CCSER1: variants seen among roughly 807,000 people sequenced by gnomAD.
The protein encoded by CCSER1 is coiled-coil serine rich protein 1.
In CCSER1, 41 loss-of-function variants were observed where a neutral mutation model predicts 82.0. The observed-to-expected ratio is 0.50, with a 90% CI of 0.39 to 0.65. The LOEUF (loss-of-function observed/expected upper bound fraction) is 0.65. Among genes scored for constraint, CCSER1 ranks in the 30% least tolerant of loss-of-function variants. The probability of loss-of-function intolerance (pLI) is 0.00; values close to 1 mark genes in which losing one functional copy is unlikely to be tolerated. For missense variants in CCSER1, 1,119 were observed against 1,064.2 expected, an observed-to-expected ratio of 1.05 and a Z score of -0.72; for synonymous variants, 414 against 383.9, an observed-to-expected ratio of 1.08 and a Z score of -0.92.
At chr4:90,878,516 G>A (rs1430339551) in intron 8 of CCSER1, among the ~76,000 whole-genome samples, 3 of 152,100 alleles carry the variant, frequency 2.0e-5, no homozygotes, top group South Asian at 2.1e-4. Flanking sequence ...AATGCTAAAT[G>A]AATAATATAT....
At chr4:90,801,727 A>G (rs1424579936) in intron 7 of CCSER1, among the ~76,000 whole-genome samples, 5 of 152,202 alleles carry the variant, frequency 3.3e-5, no homozygotes, top group African/African-American at 1.2e-4. Context: ...TTGATCATGG[A>G]TATATTTTAA....
intron 10 of CCSER1, among the ~76,000 whole-genome samples, chr4:91,332,023 A>C (rs539689213): frequency 6.6e-6 from 1 of 152,270 alleles, no homozygotes; most frequent in East Asian, 1.9e-4. Flanking sequence ...GAATGATAAT[A>C]AGACATTAGA....
intron 8 of CCSER1, among the ~76,000 whole-genome samples, chr4:90,920,883 A>G (rs929085224): frequency 6.6e-6 from 1 of 151,886 alleles, no homozygotes; most frequent in African/African-American, 2.4e-5. Flanking sequence ...AAATTTCTGT[A>G]TACTGAAATA....
intron 1 of CCSER1, among the ~76,000 whole-genome samples, chr4:90,188,266 G>A (rs374564925): frequency 1.3e-5 from 2 of 151,760 alleles, no homozygotes; most frequent in East Asian, 3.9e-4. Flanking sequence ...GTTCAACATT[G>A]AGATAGTGGA....
At chr4:90,879,865 A>G (rs921104516) in intron 8 of CCSER1, among the ~76,000 whole-genome samples, 34 of 152,212 alleles carry the variant, frequency 2.2e-4, no homozygotes, top group African/African-American at 8.2e-4. Context: ...CAATAGATAC[A>G]GTATAGATGC....
At chr4:90,908,118 C>T (rs1725775549) in intron 8 of CCSER1, among the ~76,000 whole-genome samples, 1 of 152,082 alleles carries the variant, frequency 6.6e-6, no homozygotes. Context: ...GTGCAGAAGG[C>T]AGACCAAACA....
chr4:90,403,510 A>AG (rs1217409890), intron 4 of CCSER1, among the ~76,000 whole-genome samples: 1 of 150,442 alleles, frequency 6.6e-6, no homozygotes, highest in Admixed American at 6.6e-5. Flanking sequence ...AAAAAAAAAA[A>AG]AAAAAAAAAA....
chr4:91,020,784 A>G (rs1291860118), intron 9 of CCSER1, among the ~76,000 whole-genome samples: 1 of 152,200 alleles, frequency 6.6e-6, no homozygotes, highest in Non-Finnish European at 1.5e-5. Flanking sequence ...TTATTTCCCA[A>G]CTTGGCATTA....
chr4:90,609,109 T>G (rs532052168), intron 5 of CCSER1, among the ~76,000 whole-genome samples: 1 of 152,246 alleles, frequency 6.6e-6, no homozygotes, highest in Admixed American at 6.5e-5. Flanking sequence ...TTTACTGCAA[T>G]TGACCATAAT....
At chr4:90,215,651 C>T (rs977331937) in intron 1 of CCSER1, among the ~76,000 whole-genome samples, 2 of 152,158 alleles carry the variant, frequency 1.3e-5, no homozygotes, top group Admixed American at 1.3e-4. Flanking sequence ...CACTAGTGAT[C>T]AAATGTGGGT....
At chr4:90,344,600 A>T (rs1311005040) in intron 3 of CCSER1, among the ~76,000 whole-genome samples, 1 of 152,142 alleles carries the variant, frequency 6.6e-6, no homozygotes, top group Non-Finnish European at 1.5e-5. Context: ...GAAAATTTAT[A>T]AGTTGAGCCA....
intron 10 of CCSER1, among the ~76,000 whole-genome samples, chr4:91,478,688 A>G (rs1199557017): frequency 6.6e-6 from 1 of 151,940 alleles, no homozygotes; most frequent in Non-Finnish European, 1.5e-5. Context: ...GAAATGGTAT[A>G]ACTATGGGCA....
At chr4:90,165,993 A>T (rs775564164) in intron 1 of CCSER1, among the ~76,000 whole-genome samples, 80 of 152,132 alleles carry the variant, frequency 5.3e-4, no homozygotes, top group East Asian at 1.7e-3. Context: ...TCACATGTAT[A>T]ACTCATATTC....
At chr4:91,387,074 T>C (rs1172021522) in intron 10 of CCSER1, among the ~76,000 whole-genome samples, 1 of 152,000 alleles carries the variant, frequency 6.6e-6, no homozygotes, top group Non-Finnish European at 1.5e-5. Context: ...TGAATATTGT[T>C]GATAGATTAA....
At chr4:90,576,536 A>C (rs949387967) in intron 5 of CCSER1, among the ~76,000 whole-genome samples, 3 of 151,604 alleles carry the variant, frequency 2.0e-5, no homozygotes, top group African/African-American at 7.3e-5. Flanking sequence ...CCCTCCCTCC[A>C]CTCACCCCCT....
chr4:91,581,853 AC>A, intron 10 of CCSER1, among the ~76,000 whole-genome samples: 1 of 148,958 alleles, frequency 6.7e-6, no homozygotes, highest in African/African-American at 2.4e-5. Flanking sequence ...CTAATAGTCC[AC>A]CCCCCTCATT....
At chr4:91,289,637 G>C (rs989061118) in intron 10 of CCSER1, among the ~76,000 whole-genome samples, 1 of 151,800 alleles carries the variant, frequency 6.6e-6, no homozygotes, top group African/African-American at 2.4e-5. Context: ...TGAAGAGAGA[G>C]GTCAATAGAA....
intron 10 of CCSER1, among the ~76,000 whole-genome samples, chr4:91,570,086 A>G (rs930113784): frequency 6.6e-6 from 1 of 152,140 alleles, no homozygotes; most frequent in Non-Finnish European, 1.5e-5. Flanking sequence ...TAGTCATCAA[A>G]CCTTAAAGCT....
At chr4:90,229,434 A>G (rs564823004) in intron 1 of CCSER1, among the ~76,000 whole-genome samples, 13 of 152,314 alleles carry the variant, frequency 8.5e-5, no homozygotes, top group African/African-American at 2.2e-4. Context: ...AGATTTTGTC[A>G]CCACGAGGCC....
Sources: allele counts gnomAD v4.1 joint callset (sites outside exome capture counted in the v4.1 genomes callset), GRCh38; gene constraint gnomAD v4.1.1; transcripts MANE v1.5; gene names NCBI Gene and HGNC (gene_info 2026-07-23, HGNC 2026-07-21).